The following GPR39 variants were observed in gnomAD, a reference collection of about 807,000 sequenced individuals.
The protein encoded by GPR39 is zinc sensing receptor.
A neutral mutation model predicts 18.4 loss-of-function variants in GPR39; 23 were observed. The observed-to-expected ratio is 1.25, with a 90% CI of 0.90 to 1.77. The LOEUF is 1.77. GPR39 is among the 40% of genes most tolerant of loss of function. The pLI is 0.00. For missense variants in GPR39, 647 were observed against 602.4 expected, an observed-to-expected ratio of 1.07 and a Z score of -0.78; for synonymous variants, 280 against 257.9, an observed-to-expected ratio of 1.09 and a Z score of -0.82.
intron 1 of GPR39, among the ~76,000 whole-genome samples, chr2:132,480,402 T>A (rs1053382462): frequency 5.9e-5 from 9 of 152,148 alleles, no homozygotes; most frequent in African/African-American, 2.2e-4. Context: ...GATGGTAAAT[T>A]TTTTATTATG....
intron 1 of GPR39, among the ~76,000 whole-genome samples, chr2:132,463,720 A>G (rs1030800009): frequency 6.6e-6 from 1 of 152,230 alleles, no homozygotes; most frequent in African/African-American, 2.4e-5. Flanking sequence ...CTATATAACA[A>G]ACCACTCCAA....
At chr2:132,515,036 T>TC (rs1163853634) in intron 1 of GPR39, among the ~76,000 whole-genome samples, 2 of 152,070 alleles carry the variant, frequency 1.3e-5, no homozygotes, top group Non-Finnish European at 2.9e-5. Context: ...AAAACAAACC[T>TC]CAAGTTCCCT....
chr2:132,515,702 C>T (rs577107698), intron 1 of GPR39, among the ~76,000 whole-genome samples: 1 of 152,286 alleles, frequency 6.6e-6, no homozygotes, highest in African/African-American at 2.4e-5. Flanking sequence ...CTAAGAATGT[C>T]ACTCTCTGAC....
At chr2:132,465,332 G>T (rs1289349789) in intron 1 of GPR39, among the ~76,000 whole-genome samples, 1 of 152,170 alleles carries the variant, frequency 6.6e-6, no homozygotes, top group Non-Finnish European at 1.5e-5. Flanking sequence ...CCATCAACCA[G>T]TCCTCTGGAG....
rs78742040 is a variant in GPR39, at chr2:132,605,151, C to G, written c.857-39950C>G. 6.9e-3 allele frequency among the ~76,000 whole-genome samples: 1,056 copies of G among 152,232 alleles called. 11 individuals carry two copies. Among genetic ancestry groups the G allele is most frequent in the African/African-American group, 0.024 (989 of 41,528 alleles). ...GAGCTGGGACATGACCTCAGACAGC[C>G]CGACACCAGACCCTGTGCCTATCAC... On this transcript the variant is annotated intron_variant, in intron 1 of 1. Transcript: ENST00000329321.
At chr2:132,633,134 G>A (rs1459916708) in intron 1 of GPR39, among the ~76,000 whole-genome samples, 2 of 152,134 alleles carry the variant, frequency 1.3e-5, no homozygotes, top group Non-Finnish European at 2.9e-5. Context: ...AGATGACCAG[G>A]CAGTTCTAGA....
At chr2:132,576,288 A>G (rs1010860269) in intron 1 of GPR39, among the ~76,000 whole-genome samples, 2 of 152,076 alleles carry the variant, frequency 1.3e-5, no homozygotes, top group African/African-American at 2.4e-5. Flanking sequence ...AGGGTCTATC[A>G]CAGAGCAAAA....
At chr2:132,487,972 A>G (rs1681375518) in intron 1 of GPR39, among the ~76,000 whole-genome samples, 1 of 152,232 alleles carries the variant, frequency 6.6e-6, no homozygotes, top group South Asian at 2.1e-4. Context: ...TCAACATATC[A>G]TAATGAAATT....
intron 1 of GPR39, among the ~76,000 whole-genome samples, chr2:132,609,566 C>G (rs778820770): frequency 1.3e-5 from 2 of 152,216 alleles, no homozygotes; most frequent in Non-Finnish European, 2.9e-5. Flanking sequence ...TGCAAAGGCC[C>G]CTTGCAGCCT....
chr2:132,601,608 T>C (rs1446392917), intron 1 of GPR39, among the ~76,000 whole-genome samples: 2 of 151,930 alleles, frequency 1.3e-5, no homozygotes, highest in Non-Finnish European at 2.9e-5. Flanking sequence ...AAAAAGCATA[T>C]ACACTGAAAA....
At chr2:132,557,117 G>A (rs556268691) in intron 1 of GPR39, among the ~76,000 whole-genome samples, 4 of 152,154 alleles carry the variant, frequency 2.6e-5, no homozygotes, top group South Asian at 2.1e-4. Flanking sequence ...TCAAGAGTTC[G>A]AGACCAGCCT....
intron 1 of GPR39, among the ~76,000 whole-genome samples, chr2:132,594,948 C>T (rs1680910021): frequency 6.6e-6 from 1 of 152,072 alleles, no homozygotes; most frequent in African/African-American, 2.4e-5. Flanking sequence ...ATAATGAAGG[C>T]TATGTAAGTG....
chr2:132,547,756 G>A (rs1045250935), intron 1 of GPR39, among the ~76,000 whole-genome samples: 3 of 152,144 alleles, frequency 2.0e-5, no homozygotes, highest in Non-Finnish European at 4.4e-5. Context: ...TTTTAAAGTG[G>A]AGGAAAAGAG....
rs562183722 is a variant in GPR39, at chr2:132,599,174, C to T, written c.857-45927C>T. On this transcript the variant is annotated intron_variant, in intron 1 of 1. Transcript: ENST00000329321. ...TCCTGCTGGGCAGATAATCCAGGCA[C>T]GAGAGGATTATATTTTTAACAACTT... Among the ~76,000 whole-genome samples the T allele has an allele frequency of 8.5e-5, 13 of 152,142 alleles. No individual in the cohort carries two copies. The South Asian group carries it at 1.9e-3, about 22-fold the overall frequency.
intron 1 of GPR39, among the ~76,000 whole-genome samples, chr2:132,544,416 G>C (rs1384722519): frequency 6.6e-6 from 1 of 152,224 alleles, no homozygotes; most frequent in Non-Finnish European, 1.5e-5. Context: ...AATCAGCCCA[G>C]GCCAGCTGGA....
chr2:132,442,949 C>G (rs1391694447), intron 1 of GPR39, among the ~76,000 whole-genome samples: 1 of 152,034 alleles, frequency 6.6e-6, no homozygotes, highest in Non-Finnish European at 1.5e-5. Flanking sequence ...TAGGAATACT[C>G]TTATTTTTTA....
intron 1 of GPR39, among the ~76,000 whole-genome samples, chr2:132,489,892 G>A (rs945165056): frequency 6.6e-6 from 1 of 151,692 alleles, no homozygotes; most frequent in Non-Finnish European, 1.5e-5. Context: ...GAGGAGAGGA[G>A]GCTCAGCCTA....
chr2:132,533,065 T>G (rs988990905), intron 1 of GPR39, among the ~76,000 whole-genome samples: 53 of 152,278 alleles, frequency 3.5e-4, no homozygotes, highest in African/African-American at 1.2e-3. Flanking sequence ...TGTCCCTGTT[T>G]GCAGATGACA....
At chr2:132,545,378 G>T (rs1351457094) in intron 1 of GPR39, among the ~76,000 whole-genome samples, 1 of 152,200 alleles carries the variant, frequency 6.6e-6, no homozygotes, top group Non-Finnish European at 1.5e-5. Context: ...AATTGGGAAG[G>T]TGATGTGATT....
Sources: gnomAD v4.1 joint callset for allele counts (sites outside exome capture counted in the v4.1 genomes callset) on GRCh38, gnomAD v4.1.1 for gene constraint, MANE v1.5 for transcripts, NCBI Gene and HGNC (gene_info 2026-07-23, HGNC 2026-07-21) for gene names.